Variants in GNAQ observed in about 807,000 individuals in gnomAD.
GNAQ encodes the protein G protein subunit alpha q, also known as guanine nucleotide-binding protein G(q) subunit alpha.
A neutral mutation model predicts 43.9 loss-of-function variants in GNAQ; 8 were observed. The observed-to-expected ratio is 0.18, with a 90% confidence interval of 0.11 to 0.33. The LOEUF (loss-of-function observed/expected upper bound fraction) is 0.33, where lower values mean the gene tolerates loss of function less well. Ranked by LOEUF, GNAQ falls within the 10% of genes least tolerant of loss-of-function variation. The pLI is 1.00. For missense variants in GNAQ, 158 were observed against 450.8 expected, an observed-to-expected ratio of 0.35 and a Z score of 5.88; for synonymous variants, 155 against 170.7, an observed-to-expected ratio of 0.91 and a Z score of 0.71.
chr9:77,934,736 A>G (rs947482967), intron 1 of GNAQ, among the ~76,000 whole-genome samples: 2 of 152,248 alleles, frequency 1.3e-5, no homozygotes, highest in Non-Finnish European at 2.9e-5. Context: ...AGTATCATGG[A>G]AAACAAAAGT....
chr9:77,994,458 C>T (rs936472405), intron 1 of GNAQ, among the ~76,000 whole-genome samples: 4 of 152,154 alleles, frequency 2.6e-5, no homozygotes, highest in African/African-American at 9.7e-5. Flanking sequence ...ACTATTCCTT[C>T]AGAACTTTGT....
In GNAQ at chr9:77,814,524, ATAGT is replaced by A. The variant is rs1826981358; in HGVS notation, c.476+1088_476+1091del. Among the ~76,000 whole-genome samples, 5 of 152,342 alleles carry A rather than the reference ATAGT, an allele frequency of 3.3e-5. No individual in the cohort carries two copies. The South Asian group carries it at 1.0e-3, about 32-fold the overall frequency. On this transcript the variant is annotated intron_variant, in intron 3 of 6. Coordinates refer to ENST00000286548, the MANE Select transcript of GNAQ (RefSeq NM_002072.5). ...CAAATTTACCATAAGAATACAAGAA[ATAGT>A]TTGATCAGGCAACATTTCTGTGGCT... is the stretch of plus-strand genomic sequence containing the variant.
chr9:77,796,941 C>T (rs918791420), intron 4 of GNAQ, among the ~76,000 whole-genome samples: 10 of 152,120 alleles, frequency 6.6e-5, no homozygotes, highest in African/African-American at 1.9e-4. Context: ...GTTTACTAAC[C>T]GATTTTACTC....
intron 5 of GNAQ, among the ~76,000 whole-genome samples, chr9:77,758,608 A>G (rs1364724410): frequency 6.6e-6 from 1 of 152,220 alleles, no homozygotes; most frequent in Non-Finnish European, 1.5e-5. Flanking sequence ...CTCCTGTATC[A>G]TTTCAGAAAA....
chr9:77,783,239 G>A (rs1826424163), intron 5 of GNAQ, among the ~76,000 whole-genome samples: 1 of 152,208 alleles, frequency 6.6e-6, no homozygotes, highest in Non-Finnish European at 1.5e-5. Context: ...ATGTGGGGTA[G>A]AAGATACAGG....
chr9:77,955,532 G>C (rs571835822), intron 1 of GNAQ, among the ~76,000 whole-genome samples: 33 of 152,278 alleles, frequency 2.2e-4, no homozygotes, highest in African/African-American at 7.5e-4. Context: ...GCTATACTTT[G>C]TGTCTACTCC....
intron 1 of GNAQ, among the ~76,000 whole-genome samples, chr9:78,022,156 C>T (rs149226384): frequency 6.6e-6 from 1 of 152,284 alleles, no homozygotes; most frequent in Non-Finnish European, 1.5e-5. Flanking sequence ...GCCAGGCCAA[C>T]CCGAAGGAGC....
At chr9:77,937,639 T>C (rs1829250493) in intron 1 of GNAQ, among the ~76,000 whole-genome samples, 1 of 152,160 alleles carries the variant, frequency 6.6e-6, no homozygotes, top group African/African-American at 2.4e-5. Flanking sequence ...ACGCCTGTAA[T>C]CCCAGCACTT....
chr9:77,840,113 G>A (rs1262114325), intron 2 of GNAQ, among the ~76,000 whole-genome samples: 1 of 152,098 alleles, frequency 6.6e-6, no homozygotes, highest in Non-Finnish European at 1.5e-5. Context: ...TTAAGAAAAT[G>A]TTATAGTTCT....
intron 2 of GNAQ, among the ~76,000 whole-genome samples, chr9:77,902,051 A>C (rs1748909794): frequency 1.3e-5 from 2 of 152,148 alleles, no homozygotes; most frequent in Admixed American, 1.3e-4. Context: ...TCAACATACA[A>C]ATTTTGATGG....
At chr9:77,945,137 G>A (rs555476792) in intron 1 of GNAQ, among the ~76,000 whole-genome samples, 4 of 152,190 alleles carry the variant, frequency 2.6e-5, no homozygotes, top group Admixed American at 2.0e-4. Context: ...AAAACACATC[G>A]CAAAGCCAAA....
chr9:77,942,590 T>C (rs1008561918), intron 1 of GNAQ, among the ~76,000 whole-genome samples: 40 of 152,284 alleles, frequency 2.6e-4, no homozygotes, highest in Admixed American at 4.6e-4. Context: ...GCATTCCCAA[T>C]AGATTTCCTG....
intron 5 of GNAQ, among the ~76,000 whole-genome samples, chr9:77,735,027 G>A (rs1290195188): frequency 3.3e-5 from 5 of 152,086 alleles, no homozygotes; most frequent in African/African-American, 9.7e-5. Flanking sequence ...CACTGTACAT[G>A]ACGAAACACG....
chr9:77,809,734 T>C (rs1243529106), intron 3 of GNAQ, among the ~76,000 whole-genome samples: 1 of 152,210 alleles, frequency 6.6e-6, no homozygotes, highest in Non-Finnish European at 1.5e-5. Context: ...TGCCTGTCCT[T>C]TGAGTCATCT....
At chr9:78,019,923 CAAAAAAAAAAA>C (rs34222702) in intron 1 of GNAQ, among the ~76,000 whole-genome samples, 4 of 94,154 alleles carry the variant, frequency 4.2e-5, no homozygotes, top group Non-Finnish European at 8.3e-5. Context: ...GACTCCATCT[CAAAAAAAAAAA>C]AAAAAAAAGA....
At chr9:77,858,417 T>G (rs530536471) in intron 2 of GNAQ, among the ~76,000 whole-genome samples, 1 of 152,146 alleles carries the variant, frequency 6.6e-6, no homozygotes, top group African/African-American at 2.4e-5. Flanking sequence ...CTCAACCATT[T>G]AGAGTGACCA....
intron 1 of GNAQ, among the ~76,000 whole-genome samples, chr9:78,015,331 C>A (rs1823825762): frequency 6.6e-6 from 1 of 152,118 alleles, no homozygotes; most frequent in Non-Finnish European, 1.5e-5. Context: ...ACAAGGCTCA[C>A]ACAATAACAA....
intron 1 of GNAQ, among the ~76,000 whole-genome samples, chr9:77,997,922 T>G (rs1321975352): frequency 6.6e-6 from 1 of 152,192 alleles, no homozygotes; most frequent in African/African-American, 2.4e-5. Context: ...ATGAGCCACA[T>G]CAGGTGCCTT....
chr9:77,772,884 A>G (rs1279631042), intron 5 of GNAQ, among the ~76,000 whole-genome samples: 1 of 152,216 alleles, frequency 6.6e-6, no homozygotes, highest in Non-Finnish European at 1.5e-5. Context: ...AAAATACGCT[A>G]ATGCTAAAGA....
Sources: allele counts gnomAD v4.1 joint callset (sites outside exome capture counted in the v4.1 genomes callset), GRCh38; gene constraint gnomAD v4.1.1; transcripts MANE v1.5; gene names NCBI Gene and HGNC (gene_info 2026-07-23, HGNC 2026-07-21).